SGCZ: variants seen among roughly 807,000 people sequenced by gnomAD.
SGCZ encodes zeta-sarcoglycan.
A neutral mutation model predicts 41.3 loss-of-function variants in SGCZ; 40 were observed. That is an observed-to-expected ratio of 0.97 (90% CI 0.75 to 1.26). The LOEUF (loss-of-function observed/expected upper bound fraction) is 1.26, where lower values mean the gene tolerates loss of function less well. Among genes scored for constraint, SGCZ ranks in the 50% most tolerant of loss-of-function variants. The probability of loss-of-function intolerance (pLI) is 0.00; values close to 1 mark genes in which losing one functional copy is unlikely to be tolerated. For synonymous variants in SGCZ, 206 were observed against 137.5 expected, an observed-to-expected ratio of 1.50 and a Z score of -3.49; for missense variants, 552 against 369.8, an observed-to-expected ratio of 1.49 and a Z score of -4.04.
In SGCZ at chr8:14,700,198, A is replaced by G. The variant is rs1375367592; in HGVS notation, c.40-145272T>C. Reference sequence around the variant, plus strand: ...AAATTGACAATAATAAAGACATGAAATCAACCTGGATGCCCATCAACAGTG... The same window carrying G: ...AAATTGACAATAATAAAGACATGAAGTCAACCTGGATGCCCATCAACAGTG... On this transcript the variant is annotated intron_variant, in intron 1 of 7. Transcript: ENST00000382080. Among the ~76,000 whole-genome samples, 3 of 152,110 alleles carry G rather than the reference A, an allele frequency of 2.0e-5. No individual in the cohort carries two copies. In the South Asian group the frequency reaches 6.2e-4, roughly 32 times the overall value.
intron 1 of SGCZ, among the ~76,000 whole-genome samples, chr8:15,221,226 A>G (rs1036987791): frequency 9.8e-5 from 15 of 152,336 alleles, no homozygotes; most frequent in Non-Finnish European, 2.2e-4. Flanking sequence ...TGAAAAGCCC[A>G]AAGTTCCCCT....
At chr8:15,150,533 G>C (rs1398044948) in intron 1 of SGCZ, among the ~76,000 whole-genome samples, 2 of 152,104 alleles carry the variant, frequency 1.3e-5, no homozygotes, top group Non-Finnish European at 2.9e-5. Flanking sequence ...GAGTTGACTG[G>C]AACAAGGTTT....
chr8:14,637,196 C>T (rs1510437), intron 1 of SGCZ, among the ~76,000 whole-genome samples: 100,665 of 151,614 alleles, frequency 0.66, 33,588 homozygotes, highest in East Asian at 0.78. Flanking sequence ...TAGGACTCTG[C>T]TGAGTTAGAT....
chr8:14,612,254 G>GCA (rs199594048), intron 1 of SGCZ, among the ~76,000 whole-genome samples: 28,927 of 151,876 alleles, frequency 0.19, 3,548 homozygotes, highest in Non-Finnish European at 0.28. Context: ...TGGATCATGG[G>GCA]GTCAGTCTCC....
chr8:15,059,078 A>G (rs1266761103), intron 1 of SGCZ, among the ~76,000 whole-genome samples: 2 of 152,156 alleles, frequency 1.3e-5, no homozygotes, highest in African/African-American at 4.8e-5. Flanking sequence ...AAGTATTATC[A>G]GCTAGATTAA....
intron 1 of SGCZ, among the ~76,000 whole-genome samples, chr8:14,719,108 G>T (rs1022917402): frequency 1.3e-5 from 2 of 148,666 alleles, no homozygotes; most frequent in Non-Finnish European, 3.0e-5. Flanking sequence ...GCGGTGTTTG[G>T]TTTTTTGTTC....
At position 14,924,919 on chromosome 8, in the gene SGCZ, G is replaced by A. The variant is rs188280013; in HGVS notation, c.39+312666C>T. ...GTCACCCAGGCTGGAGTGCAATGTC[G>A]CCATCTCAGCTCACTGCAACCTCTG... On this transcript the variant is annotated intron_variant, in intron 1 of 7. Transcript: ENST00000382080. 3.1e-3 allele frequency among the ~76,000 whole-genome samples: 433 copies of A among 141,508 alleles called. 2 individuals carry two copies. Among genetic ancestry groups the A allele is most frequent in the African/African-American group, 0.011 (410 of 37,656 alleles). The allele number at this position is 141,508 out of a possible 152,430, so 92.8% of individuals were successfully genotyped here. A position where few individuals can be genotyped will look rare whatever the true frequency, so the allele number is the denominator to read the frequency against.
In SGCZ at chr8:15,164,981, T is replaced by C. The variant is rs541456548; in HGVS notation, c.39+72604A>G. Among the ~76,000 whole-genome samples the C allele has an allele frequency of 1.0e-3, 154 of 152,248 alleles. 1 individual carries two copies. The highest frequency in any genetic ancestry group is 3.4e-3 in the African/African-American group (140 of 41,556). ...TTTTCTTCTGCCTGTGTGTGTACTG[T>C]GTGATGTGTGTCAAAAGAGCTCTAA... On this transcript the variant is annotated intron_variant, in intron 1 of 7. Transcript: ENST00000382080.
chr8:14,676,173 C>T (rs1808270898), intron 1 of SGCZ, among the ~76,000 whole-genome samples: 2 of 152,202 alleles, frequency 1.3e-5, no homozygotes, highest in African/African-American at 2.4e-5. Flanking sequence ...TGAACCTAGA[C>T]TACAGGCTAT....
At chr8:14,403,557 T>C (rs1266527486) in intron 2 of SGCZ, among the ~76,000 whole-genome samples, 2 of 152,182 alleles carry the variant, frequency 1.3e-5, no homozygotes, top group Non-Finnish European at 2.9e-5. Flanking sequence ...CATGTGGTTT[T>C]TGTCTTTGGC....
At chr8:14,537,500 C>A (rs1803331183) in intron 2 of SGCZ, among the ~76,000 whole-genome samples, 1 of 151,796 alleles carries the variant, frequency 6.6e-6, no homozygotes, top group Non-Finnish European at 1.5e-5. Context: ...CCTCATTCTT[C>A]CCCTAGGGAA....
At chr8:14,886,484 A>G (rs1378452183) in intron 1 of SGCZ, among the ~76,000 whole-genome samples, 1 of 152,112 alleles carries the variant, frequency 6.6e-6, no homozygotes, top group Non-Finnish European at 1.5e-5. Flanking sequence ...GGCTTCACTC[A>G]GGAGATATTT....
chr8:14,418,578 T>C (rs1336422705), intron 2 of SGCZ, among the ~76,000 whole-genome samples: 1 of 151,570 alleles, frequency 6.6e-6, no homozygotes, highest in Non-Finnish European at 1.5e-5. Context: ...TTAAAAGTAG[T>C]TCTCAGTTTG....
At chr8:14,842,750 G>T (rs1408773522) in intron 1 of SGCZ, among the ~76,000 whole-genome samples, 1 of 152,180 alleles carries the variant, frequency 6.6e-6, no homozygotes, top group East Asian at 1.9e-4. Context: ...TACCATGCTT[G>T]GGATTTGTAC....
At chr8:14,387,307 C>T (rs761033580) in intron 2 of SGCZ, among the ~76,000 whole-genome samples, 1 of 152,168 alleles carries the variant, frequency 6.6e-6, no homozygotes, top group Non-Finnish European at 1.5e-5. Flanking sequence ...CCATCCTGGT[C>T]TCCCAAAGCA....
chr8:14,095,301 T>C (rs1159564736), intron 7 of SGCZ, among the ~76,000 whole-genome samples: 2 of 152,192 alleles, frequency 1.3e-5, no homozygotes, highest in African/African-American at 2.4e-5. Context: ...AGTTTTCATA[T>C]AAGGTGTAAG....
chr8:14,883,699 A>G (rs975806635), intron 1 of SGCZ, among the ~76,000 whole-genome samples: 4 of 150,798 alleles, frequency 2.7e-5, no homozygotes, highest in African/African-American at 9.7e-5. Context: ...TTCATCCTCT[A>G]CTAAGCAAGA....
chr8:14,627,922 T>C (rs1806516722), intron 1 of SGCZ, among the ~76,000 whole-genome samples: 1 of 152,128 alleles, frequency 6.6e-6, no homozygotes, highest in African/African-American at 2.4e-5. Flanking sequence ...AATTAATTCC[T>C]TTATTGTATA....
intron 5 of SGCZ, among the ~76,000 whole-genome samples, chr8:14,116,117 T>C (rs895800269): frequency 2.0e-5 from 3 of 152,054 alleles, no homozygotes; most frequent in Non-Finnish European, 4.4e-5. Flanking sequence ...CTAAAACAGA[T>C]GGTACATAAT....
Sources: allele counts gnomAD v4.1 joint callset (sites outside exome capture counted in the v4.1 genomes callset), GRCh38; gene constraint gnomAD v4.1.1; transcripts MANE v1.5; gene names NCBI Gene and HGNC (gene_info 2026-07-23, HGNC 2026-07-21).